SHQ1: variants seen among roughly 807,000 people sequenced by gnomAD.
SHQ1 encodes SHQ1, H/ACA ribonucleoprotein assembly factor, also known as protein SHQ1 homolog.
A neutral mutation model predicts 53.8 loss-of-function variants in SHQ1; 49 were observed. That is an observed-to-expected ratio of 0.91 (90% confidence interval 0.72 to 1.16). The LOEUF is 1.16. SHQ1 is among the 50% of genes most tolerant of loss of function. The pLI is 0.00. For missense variants in SHQ1, 738 were observed against 683.1 expected, an observed-to-expected ratio of 1.08 and a Z score of -0.90; for synonymous variants, 243 against 251.0, an observed-to-expected ratio of 0.97 and a Z score of 0.30.
chr3:72,771,371 A>G (rs1254889467), intron 10 of SHQ1, among the ~76,000 whole-genome samples: 1 of 152,236 alleles, frequency 6.6e-6, no homozygotes, highest in Non-Finnish European at 1.5e-5. Flanking sequence ...TGGATGGGAT[A>G]TGCCAAATCT....
chr3:72,782,976 T>C (rs190873129), intron 10 of SHQ1, among the ~76,000 whole-genome samples: 38 of 152,348 alleles, frequency 2.5e-4, no homozygotes, highest in African/African-American at 9.1e-4. Flanking sequence ...CACTTGATCC[T>C]GTGGGTCTCC....
chr3:72,790,110 C>T (rs1015536287), intron 10 of SHQ1, among the ~76,000 whole-genome samples: 58 of 152,160 alleles, frequency 3.8e-4, no homozygotes, highest in African/African-American at 1.4e-3. Flanking sequence ...TGGTAGGGAG[C>T]GTTCTTTTCA....
intron 8 of SHQ1, among the ~76,000 whole-genome samples, chr3:72,815,015 C>CA (rs1205358785): frequency 6.6e-6 from 1 of 151,988 alleles, no homozygotes; most frequent in Non-Finnish European, 1.5e-5. Flanking sequence ...TAGACCCTGA[C>CA]AGTCACTTAT....
chr3:72,764,657 C>G (rs1705682900), intron 10 of SHQ1, among the ~76,000 whole-genome samples: 1 of 152,152 alleles, frequency 6.6e-6, no homozygotes, highest in African/African-American at 2.4e-5. Context: ...AACCCTGGAC[C>G]AGGAGCAGCA....
At chr3:72,729,823 T>A in the SHQ1 span, among the ~76,000 whole-genome samples, 2 of 152,174 alleles carry the variant, frequency 1.3e-5, no homozygotes, top group African/African-American at 4.8e-5. Flanking sequence ...TATTTTATTT[T>A]ATTTATTTAT....
At chr3:72,810,211 ACAGTACTTAAGGGGCAAAG>A (rs1386998222) in intron 9 of SHQ1, among the ~76,000 whole-genome samples, 2 of 152,162 alleles carry the variant, frequency 1.3e-5, no homozygotes, top group Non-Finnish European at 2.9e-5. Flanking sequence ...AAGCACTAAA[ACAGTACTTAAGGGGCAAAG>A]CAGGATTTCC....
chr3:72,774,845 T>A (rs1705922866), intron 10 of SHQ1, among the ~76,000 whole-genome samples: 1 of 152,204 alleles, frequency 6.6e-6, no homozygotes, highest in Non-Finnish European at 1.5e-5. Context: ...CTGGGCACAG[T>A]GGCTCATGCC....
intron 10 of SHQ1, among the ~76,000 whole-genome samples, chr3:72,775,182 A>G (rs986686624): frequency 6.6e-6 from 1 of 152,082 alleles, no homozygotes; most frequent in East Asian, 1.9e-4. Context: ...TCTTACAAAA[A>G]TAATTTAAAA....
the SHQ1 span, among the ~76,000 whole-genome samples, chr3:72,740,613 C>A: frequency 2.6e-5 from 4 of 152,196 alleles, no homozygotes; most frequent in African/African-American, 9.7e-5. Flanking sequence ...AACTGGATGT[C>A]CTCTGAGCTC....
At chr3:72,833,444 TGATA>T (rs56202141) in intron 4 of SHQ1, among the ~76,000 whole-genome samples, 3,616 of 140,478 alleles carry the variant, frequency 0.026, 58 homozygotes, top group Non-Finnish European at 0.027. Flanking sequence ...CTATCAGAGA[TGATA>T]GATAGATAGA....
chr3:72,741,694 A>G, the SHQ1 span, among the ~76,000 whole-genome samples: 4 of 152,156 alleles, frequency 2.6e-5, no homozygotes, highest in East Asian at 1.9e-4. Context: ...AACAAATGAC[A>G]GATGTTATTA....
chr3:72,815,290 AAAC>A, intron 8 of SHQ1, 57 bp downstream of exon 8: 2 of 1,459,814 alleles, frequency 1.4e-6, no homozygotes, highest in Middle Eastern at 3.6e-4. Flanking sequence ...AATGATGTAA[AAAC>A]AACAAAAATA....
chr3:72,725,984 T>C, the SHQ1 span, among the ~76,000 whole-genome samples: 1 of 152,182 alleles, frequency 6.6e-6, no homozygotes, highest in Non-Finnish European at 1.5e-5. Context: ...TAACGTAATA[T>C]GATAGCTGGG....
In SHQ1 at chr3:72,792,905, T is replaced by C. The variant is rs1479166791; in HGVS notation, c.1181+11A>G. 3 of 1,604,538 alleles carry C rather than the reference T, an allele frequency of 1.9e-6. No individual in the cohort carries two copies. The highest frequency in any genetic ancestry group is 2.7e-5 in the African/African-American group (2 of 74,476). On this transcript the variant is annotated intron_variant, in intron 10 of 10. Transcript: ENST00000325599. ...ATCTAAAAATTCGTAAGTAACTCTA[T>C]GAAAACTTACTTGACTTTCTGAATC...
chr3:72,840,207 G>A (rs1217435331), intron 4 of SHQ1, among the ~76,000 whole-genome samples: 6 of 140,074 alleles, frequency 4.3e-5, no homozygotes, highest in African/African-American at 1.4e-4. Flanking sequence ...AGCCAAGATC[G>A]TGCCACTGCA....
At chr3:72,839,222 A>T (rs550866213) in intron 4 of SHQ1, among the ~76,000 whole-genome samples, 41 of 152,222 alleles carry the variant, frequency 2.7e-4, no homozygotes, top group Non-Finnish European at 4.9e-4. Context: ...TAGATTGGCA[A>T]GCCCAAAACA....
intron 10 of SHQ1, among the ~76,000 whole-genome samples, chr3:72,763,345 T>C (rs1002272543): frequency 2.6e-5 from 4 of 152,194 alleles, no homozygotes; most frequent in Non-Finnish European, 5.9e-5. Flanking sequence ...GGGCAAATAG[T>C]GTTGTTTAAT....
At chr3:72,725,545 G>T in the SHQ1 span, among the ~76,000 whole-genome samples, 186 of 152,172 alleles carry the variant, frequency 1.2e-3, no homozygotes, top group African/African-American at 4.2e-3. Flanking sequence ...GTTTCACTTC[G>T]TCCTGCTCAT....
intron 4 of SHQ1, among the ~76,000 whole-genome samples, chr3:72,837,679 T>C (rs1248930245): frequency 1.3e-5 from 2 of 152,186 alleles, no homozygotes; most frequent in Non-Finnish European, 2.9e-5. Flanking sequence ...CATTTTAAAT[T>C]AGAAAAGATG....
Sources: allele counts gnomAD v4.1 joint callset (sites outside exome capture counted in the v4.1 genomes callset), GRCh38; gene constraint gnomAD v4.1.1; transcripts MANE v1.5; gene names NCBI Gene and HGNC (gene_info 2026-07-23, HGNC 2026-07-21).